Variants in DGKB observed in about 807,000 individuals in gnomAD.
The protein encoded by DGKB is diacylglycerol kinase beta.
Under a neutral mutation model 114.3 loss-of-function variants are expected in DGKB, and 67 were observed. The ratio of observed to expected loss-of-function variants is 0.59; its 90% CI spans 0.48 to 0.72. The LOEUF (loss-of-function observed/expected upper bound fraction) is 0.72. Among genes scored for constraint, DGKB ranks in the 30% least tolerant of loss-of-function variants. The probability of loss-of-function intolerance (pLI) is 0.00; values close to 1 mark genes in which losing one functional copy is unlikely to be tolerated. For missense variants in DGKB, 907 were observed against 975.2 expected (o/e 0.93, Z 0.93); for synonymous variants, 398 against 323.1 (o/e 1.23, Z -2.49).
At chr7:14,530,045 T>C (rs775216634) in intron 20 of DGKB, among the ~76,000 whole-genome samples, 1 of 151,672 alleles carries the variant, frequency 6.6e-6, no homozygotes, top group Non-Finnish European at 1.5e-5. Context: ...GATTAATTCA[T>C]GTATCATTAC....
At chr7:14,232,227 G>A (rs1329715370) in intron 23 of DGKB, among the ~76,000 whole-genome samples, 1 of 151,890 alleles carries the variant, frequency 6.6e-6, no homozygotes, top group Non-Finnish European at 1.5e-5. Context: ...GAATCCATCT[G>A]TCTTATCTTC....
At chr7:14,836,628 T>C (rs1847205283) in intron 2 of DGKB, among the ~76,000 whole-genome samples, 1 of 152,160 alleles carries the variant, frequency 6.6e-6, no homozygotes, top group African/African-American at 2.4e-5. Context: ...TTCTATCCTA[T>C]AACAACAGTT....
At chr7:14,592,272 A>G (rs1456583675) in intron 17 of DGKB, among the ~76,000 whole-genome samples, 1 of 148,450 alleles carries the variant, frequency 6.7e-6, no homozygotes, top group Non-Finnish European at 1.5e-5. Context: ...AGGATCCAAA[A>G]TGACTTTACC....
At chr7:14,769,021 A>G (rs1586354307) in intron 2 of DGKB, among the ~76,000 whole-genome samples, 1 of 151,520 alleles carries the variant, frequency 6.6e-6, no homozygotes, top group Admixed American at 6.6e-5. Flanking sequence ...TCAGACATTC[A>G]TCTGGTAAAA....
intron 20 of DGKB, among the ~76,000 whole-genome samples, chr7:14,541,727 T>C (rs1350643417): frequency 6.6e-6 from 1 of 152,178 alleles, no homozygotes; most frequent in African/African-American, 2.4e-5. Context: ...TCCACATCAA[T>C]CTACTCCTTA....
chr7:14,257,257 G>C (rs1025406448), intron 23 of DGKB, among the ~76,000 whole-genome samples: 4 of 151,694 alleles, frequency 2.6e-5, no homozygotes, highest in African/African-American at 9.7e-5. Flanking sequence ...ATTAGTTCTA[G>C]GCTTTCTGTT....
intron 20 of DGKB, among the ~76,000 whole-genome samples, chr7:14,541,894 T>C (rs1793524214): frequency 6.6e-6 from 1 of 152,192 alleles, no homozygotes; most frequent in Non-Finnish European, 1.5e-5. Context: ...TCTCTTTTGT[T>C]CTCAGCACAT....
At chr7:14,270,048 CAAAAAAAAAAAAAA>C (rs397889901) in intron 23 of DGKB, among the ~76,000 whole-genome samples, 2 of 52,842 alleles carry the variant, frequency 3.8e-5, no homozygotes, top group Non-Finnish European at 6.8e-5. Context: ...GCTTTTTTTG[CAAAAAAAAAAAAAA>C]AAAAAAAAAA....
At chr7:14,649,324 CAGTG>C (rs1416850948) in intron 13 of DGKB, among the ~76,000 whole-genome samples, 4 of 151,780 alleles carry the variant, frequency 2.6e-5, no homozygotes, top group Non-Finnish European at 1.5e-5. Flanking sequence ...AGCCAGAAGA[CAGTG>C]GGGACCAATA....
chr7:14,934,311 A>T (rs59309880), intron 1 of DGKB, among the ~76,000 whole-genome samples: 20,533 of 152,122 alleles, frequency 0.13, 1,474 homozygotes, highest in Admixed American at 0.19. Flanking sequence ...TTTTCAACAG[A>T]AACATTATGT....
intron 23 of DGKB, among the ~76,000 whole-genome samples, chr7:14,286,009 C>T (rs1241177631): frequency 6.6e-6 from 1 of 152,092 alleles, no homozygotes; most frequent in Non-Finnish European, 1.5e-5. Flanking sequence ...TGTTTTCTAA[C>T]TCCCTTTAGA....
intron 6 of DGKB, among the ~76,000 whole-genome samples, chr7:14,714,667 A>G (rs1827902211): frequency 6.6e-6 from 1 of 152,198 alleles, no homozygotes; most frequent in South Asian, 2.1e-4. Context: ...AAAACTAGAC[A>G]AGAGAAACAC....
intron 10 of DGKB, among the ~76,000 whole-genome samples, chr7:14,684,856 T>C (rs2128974673): frequency 6.6e-6 from 1 of 151,972 alleles, no homozygotes; most frequent in African/African-American, 2.4e-5. Context: ...AGGAATCAAC[T>C]CATTATAAGA....
chr7:14,910,849 A>G (rs1236170636), intron 1 of DGKB, among the ~76,000 whole-genome samples: 1 of 152,230 alleles, frequency 6.6e-6, no homozygotes, highest in Non-Finnish European at 1.5e-5. Flanking sequence ...ATGTTTAATC[A>G]GTATAGAATA....
intron 23 of DGKB, among the ~76,000 whole-genome samples, chr7:14,323,714 C>T (rs958747427): frequency 9.9e-5 from 15 of 152,242 alleles, no homozygotes; most frequent in African/African-American, 3.4e-4. Flanking sequence ...CGAAAGCCTA[C>T]TTGGGCTTGA....
chr7:14,629,228 T>C (rs960232674), intron 14 of DGKB, among the ~76,000 whole-genome samples: 1 of 152,070 alleles, frequency 6.6e-6, no homozygotes, highest in Non-Finnish European at 1.5e-5. Flanking sequence ...AGCATCTCTA[T>C]TTTATAATAA....
intron 2 of DGKB, among the ~76,000 whole-genome samples, chr7:14,769,125 G>GA: frequency 1.2e-5 from 1 of 83,814 alleles, no homozygotes; most frequent in South Asian, 3.7e-4. Context: ...AAGAAAGAAA[G>GA]AGAGAGAGAG....
chr7:14,380,809 T>A (rs1308025180), intron 21 of DGKB, among the ~76,000 whole-genome samples: 2 of 152,212 alleles, frequency 1.3e-5, no homozygotes, highest in Non-Finnish European at 1.5e-5. Context: ...AATCAAAGCA[T>A]ATGGACTATA....
At chr7:14,776,864 G>A (rs1838280829) in intron 2 of DGKB, among the ~76,000 whole-genome samples, 1 of 152,118 alleles carries the variant, frequency 6.6e-6, no homozygotes. Context: ...CAGAATGGTA[G>A]GTCCATCAAC....
Sources: allele counts gnomAD v4.1 joint callset (sites outside exome capture counted in the v4.1 genomes callset), GRCh38; gene constraint gnomAD v4.1.1; transcripts MANE v1.5; gene names NCBI Gene and HGNC (gene_info 2026-07-23, HGNC 2026-07-21).